Variants in ABI3BP observed in about 807,000 individuals in gnomAD.
The protein encoded by ABI3BP is target of Nesh-SH3.
A neutral mutation model predicts 268.6 loss-of-function variants in ABI3BP; 216 were observed. The observed-to-expected ratio is 0.80, with a 90% confidence interval of 0.72 to 0.90. ABI3BP has a LOEUF of 0.90. ABI3BP is among the 40% of genes least tolerant of loss of function. The pLI is 0.00. For missense variants in ABI3BP, 2,090 were observed against 2,182.4 expected, an observed-to-expected ratio of 0.96 and a Z score of 0.84; for synonymous variants, 730 against 730.0, an observed-to-expected ratio of 1.00 and a Z score of 0.00.
intron 50 of ABI3BP, 150 bp downstream of exon 50, chr3:100,808,011 G>T (rs1218460286): frequency 2.9e-6 from 2 of 690,908 alleles, no homozygotes; most frequent in Non-Finnish European, 4.8e-6. Context: ...AGTCCAAAAA[G>T]AAATTTAAAT....
intron 17 of ABI3BP, among the ~76,000 whole-genome samples, chr3:100,849,668 C>T (rs1477655634): frequency 6.6e-6 from 1 of 152,178 alleles, no homozygotes. Context: ...GCAAAGCCTA[C>T]TTGGTGCTCT....
At position 100,752,931 on chromosome 3, in the gene ABI3BP, A is replaced by G. The variant is rs756172831; in HGVS notation, c.4978T>C (p.Trp1660Arg). Reference protein sequence around the residue: ...EPVSAGRDAIWTERPFNSDSY... With the variant: ...EPVSAGRDAIRTERPFNSDSY... Reference sequence around the variant, plus strand: ...TCTGAATTAAAGGGTCTTTCAGTCCAGATGGCATCTCTTCCTGCTACAAAA... The same window carrying G: ...TCTGAATTAAAGGGTCTTTCAGTCCGGATGGCATCTCTTCCTGCTACAAAA... The change falls in exon 66 of 68, where the codon TGG becomes CGG. Residue 1660 changes from tryptophan to arginine, a missense_variant. By Grantham distance (101) the Trp-to-Arg change is moderately radical. Transcript: ENST00000471714. 6.2e-7 allele frequency: 1 copy of G among 1,612,378 alleles called. No homozygotes were observed. The highest frequency in any genetic ancestry group is 1.1e-5 in the South Asian group (1 of 90,932).
rs748828528 is a variant in ABI3BP at position 100,804,800 on chromosome 3, G to A, written c.3749C>T (p.Thr1250Ile). 4.3e-6 allele frequency: 7 copies of A among 1,612,814 alleles called. No homozygotes were observed. The highest frequency in any genetic ancestry group is 5.9e-6 in the Non-Finnish European group (7 of 1,178,970). The change falls in exon 51 of 68, where the codon ACC (threonine) becomes ATC (isoleucine). Residue 1250 changes from threonine (T) to isoleucine (I), a missense_variant. Coordinates refer to ENST00000471714, the MANE Select transcript of ABI3BP (RefSeq NM_001375547.2). ...KTSPSPEVSYTTPAPKDVLLP... is the reference protein window; with the variant it reads ...KTSPSPEVSYITPAPKDVLLP... ...TGAAATAAAGCATTTACCAGGTGTG[G>A]TGTATGACACTTCTGGACTTGGTGA...
intron 40 of ABI3BP, among the ~76,000 whole-genome samples, 194 bp downstream of exon 40, chr3:100,820,026 A>C (rs1009211941): frequency 6.6e-6 from 1 of 152,076 alleles, no homozygotes; most frequent in African/African-American, 2.4e-5. Context: ...CAGAAAATGC[A>C]AGGAATTCAC....
intron 14 of ABI3BP, among the ~76,000 whole-genome samples, chr3:100,856,842 C>T (rs979158919): frequency 6.6e-6 from 1 of 152,162 alleles, no homozygotes; most frequent in African/African-American, 2.4e-5. Flanking sequence ...AAATACATGG[C>T]ATTTATGCTG....
At chr3:100,917,948 T>A (rs930370117) in intron 2 of ABI3BP, among the ~76,000 whole-genome samples, 10 of 152,204 alleles carry the variant, frequency 6.6e-5, no homozygotes, top group Non-Finnish European at 1.5e-4. Flanking sequence ...TAAGAGATGG[T>A]GTACATTTAT....
At chr3:100,940,829 T>TATATATATATATATATAGATATATAG (rs1244113888) in intron 1 of ABI3BP, among the ~76,000 whole-genome samples, 1 of 41,232 alleles carries the variant, frequency 2.4e-5, no homozygotes, top group Non-Finnish European at 4.3e-5. Context: ...TATATATATA[T>TATATATATATATATATAGATATATAG]ATGATATGAT....
intron 1 of ABI3BP, among the ~76,000 whole-genome samples, chr3:100,944,544 T>C (rs1439444888): frequency 6.6e-6 from 1 of 152,152 alleles, no homozygotes; most frequent in Non-Finnish European, 1.5e-5. Flanking sequence ...ATACTCTTGA[T>C]AAAAAATGAA....
chr3:100,860,031 C>A (rs2098981018), intron 14 of ABI3BP, among the ~76,000 whole-genome samples: 1 of 152,134 alleles, frequency 6.6e-6, no homozygotes, highest in Non-Finnish European at 1.5e-5. Context: ...GAGATCGCAC[C>A]CATCGCACTC....
At chr3:100,822,292 GA>G (rs1209558730) in intron 38 of ABI3BP, among the ~76,000 whole-genome samples, 4 of 152,156 alleles carry the variant, frequency 2.6e-5, no homozygotes, top group African/African-American at 9.7e-5. Flanking sequence ...TTGTTGACTT[GA>G]GCTGAATATG....
intron 58 of ABI3BP, chr3:100,778,695 T>A (rs575390956): frequency 3.4e-5 from 9 of 261,982 alleles, no homozygotes; most frequent in Non-Finnish European, 5.7e-5. Flanking sequence ...AAAATTTTTT[T>A]AAAAACCACA....
At chr3:100,904,030 G>A (rs2051880031) in intron 2 of ABI3BP, among the ~76,000 whole-genome samples, 1 of 152,128 alleles carries the variant, frequency 6.6e-6, no homozygotes, top group Admixed American at 6.5e-5. Context: ...TTCCTAGTAG[G>A]AATACAATAA....
At chr3:100,811,869 T>C in intron 46 of ABI3BP, 70 bp from the exon 47 acceptor site, 1 of 1,096,902 alleles carries the variant, frequency 9.1e-7, no homozygotes, top group Non-Finnish European at 1.3e-6. Context: ...AACCCTGCAT[T>C]TAATTTAAAA....
At chr3:100,929,460 G>T (rs1248838085) in intron 1 of ABI3BP, among the ~76,000 whole-genome samples, 1 of 151,852 alleles carries the variant, frequency 6.6e-6, no homozygotes, top group Non-Finnish European at 1.5e-5. Context: ...AAATGAATTG[G>T]CATTTAGCTG....
intron 2 of ABI3BP, among the ~76,000 whole-genome samples, chr3:100,924,460 G>T (rs1449156033): frequency 6.6e-6 from 1 of 152,124 alleles, no homozygotes; most frequent in Non-Finnish European, 1.5e-5. Flanking sequence ...TTTAGATAAA[G>T]AAATGTGATA....
intron 3 of ABI3BP, among the ~76,000 whole-genome samples, chr3:100,900,378 T>C (rs1337287707): frequency 6.6e-6 from 1 of 152,230 alleles, no homozygotes. Flanking sequence ...TCATTCACTT[T>C]GCAGATGAAA....
chr3:100,891,214 C>T (rs1296585455), intron 4 of ABI3BP, among the ~76,000 whole-genome samples: 1 of 152,194 alleles, frequency 6.6e-6, no homozygotes, highest in Non-Finnish European at 1.5e-5. Flanking sequence ...TGACTCATCA[C>T]AAACTGGTCA....
At chr3:100,782,703 A>G (rs915325509) in intron 57 of ABI3BP, among the ~76,000 whole-genome samples, 1 of 152,150 alleles carries the variant, frequency 6.6e-6, no homozygotes, top group African/African-American at 2.4e-5. Flanking sequence ...AGGAGAGCAA[A>G]TGAAGGTCAA....
At chr3:100,940,014 C>T (rs1162090723) in intron 1 of ABI3BP, among the ~76,000 whole-genome samples, 7 of 152,096 alleles carry the variant, frequency 4.6e-5, no homozygotes, top group South Asian at 4.1e-4. Flanking sequence ...GGCTCTGTTC[C>T]GCCCGGCTCA....
Sources: allele counts gnomAD v4.1 joint callset (sites outside exome capture counted in the v4.1 genomes callset), GRCh38; gene constraint gnomAD v4.1.1; transcripts MANE v1.5; gene names NCBI Gene and HGNC (gene_info 2026-07-23, HGNC 2026-07-21).